P4HB: variants seen among roughly 807,000 people sequenced by gnomAD.
P4HB encodes the protein prolyl 4-hydroxylase subunit beta, also known as protein disulfide-isomerase.
P4HB carries 20 observed loss-of-function variants against 52.6 expected under a neutral mutation model. That is an observed-to-expected ratio of 0.38 (90% CI 0.27 to 0.55). The LOEUF is 0.55. P4HB is among the 20% of genes least tolerant of loss of function. The pLI is 0.74. For missense variants in P4HB, 601 were observed against 669.2 expected (o/e 0.90, Z 1.12); for synonymous variants, 296 against 277.9 (o/e 1.07, Z -0.65).
rs970078070 is a variant in P4HB, at chr17:81,846,234, A to T, written c.1056+195T>A. 4 of 716,524 alleles carry T rather than the reference A, an allele frequency of 5.6e-6. No homozygotes were observed. The highest frequency in any genetic ancestry group is 2.9e-5 in the Admixed American group (1 of 34,564). 44.4% of individuals were successfully genotyped at this position (716,524 alleles called of 1,614,324 possible). ...GGTTTCCCTGAGGAGCATCTGGGCC[A>T]GCCGTGTGGACAAGAGGGCTCCTAC... On this transcript the variant is annotated intron_variant, in intron 7 of 10. Coordinates refer to ENST00000331483, the MANE Select transcript of P4HB (RefSeq NM_000918.4). The surrounding 1 kb of genome is among the most constrained non-coding windows in gnomAD (Gnocchi z 5.7).
At chr17:81,858,962 CA>C in intron 2 of P4HB, 1 of 564,864 alleles carries the variant, frequency 1.8e-6, no homozygotes, top group Non-Finnish European at 3.2e-6. Flanking sequence ...AGGATGGCAC[CA>C]GACAAGACAG....
intron 9 of P4HB, 60 bp downstream of exon 9, chr17:81,845,501 G>A: frequency 6.8e-7 from 1 of 1,476,796 alleles, no homozygotes; most frequent in Non-Finnish European, 9.1e-7. Context: ...ACCCAGGCTG[G>A]CGTGGGGACC....
At chr17:81,844,509 T>C (rs906134264) in intron 10 of P4HB, among the ~76,000 whole-genome samples, 36 of 152,204 alleles carry the variant, frequency 2.4e-4, no homozygotes, top group African/African-American at 8.7e-4. Context: ...TTCCAACCCT[T>C]GGGCTCTGGC....
At chr17:81,852,184 A>G (rs2143341310) in intron 4 of P4HB, among the ~76,000 whole-genome samples, 1 of 152,308 alleles carries the variant, frequency 6.6e-6, no homozygotes, top group Non-Finnish European at 1.5e-5. Context: ...CCTTTCTCAA[A>G]CAACAATAAC....
intron 1 of P4HB, 196 bp from the exon 2 acceptor site, chr17:81,859,583 A>C: frequency 1.7e-6 from 1 of 589,432 alleles, no homozygotes; most frequent in Non-Finnish European, 3.0e-6. Flanking sequence ...GAGGCCGTGA[A>C]CGACAAACTA....
Position 81,855,487 on chromosome 17 carries a change from T to G in P4HB, c.452A>C (p.Glu151Ala). ...PDGAAAESLV[E>A]SSEVAVIGFF... ...GCCGATGACAGCCACCTCGCTGGAC[T>G]CCACCAAGGACTCTGCAGCTGCGCC... The change falls in exon 3 of 11, where the codon GAG becomes GCG. Residue 151 changes from glutamate (E) to alanine (A), a missense_variant. By Grantham distance (107) the Glu-to-Ala change is moderately radical. Coordinates refer to ENST00000331483, the MANE Select transcript of P4HB (RefSeq NM_000918.4). The surrounding 1 kb of genome is among the most constrained non-coding windows in gnomAD (Gnocchi z 4.3). The G allele has an allele frequency of 6.2e-7, 1 of 1,613,772 alleles. No individual in the cohort carries two copies. The highest frequency in any genetic ancestry group is 8.5e-7 in the Non-Finnish European group (1 of 1,179,892).
chr17:81,848,100 C>T (rs2038767328), intron 4 of P4HB, among the ~76,000 whole-genome samples: 2 of 152,284 alleles, frequency 1.3e-5, no homozygotes, highest in East Asian at 1.9e-4. Context: ...ATGGGTTTCA[C>T]CACGTTAGCC....
At chr17:81,856,589 C>T (rs541566829) in intron 2 of P4HB, among the ~76,000 whole-genome samples, 5 of 151,388 alleles carry the variant, frequency 3.3e-5, no homozygotes, top group South Asian at 4.2e-4. Flanking sequence ...CCTGCCTCAG[C>T]GGTCTCCCAA....
chr17:81,859,087 G>T, intron 2 of P4HB, 94 bp downstream of exon 2: 1 of 1,162,578 alleles, frequency 8.6e-7, no homozygotes, highest in Non-Finnish European at 1.3e-6. Flanking sequence ...CTGGAACCCG[G>T]CCTCCCCACC....
chr17:81,846,314 C>T lies in P4HB; in HGVS notation c.1056+115G>A, dbSNP rs1423862283. 13 of 989,688 alleles carry T rather than the reference C, an allele frequency of 1.3e-5. No individual in the cohort carries two copies. The highest frequency in any genetic ancestry group is 1.9e-5 in the Non-Finnish European group (12 of 643,918). The allele number at this position is 989,688 out of a possible 1,614,324, so 61.3% of individuals were successfully genotyped here. A position where few individuals can be genotyped will look rare whatever the true frequency, so the allele number is the denominator to read the frequency against. The stretch of plus-strand genomic sequence containing the variant: ...GTCTTCACACCATCTTGGGCTCCGT[C>T]CTCTTACTCTGAAGATCTTACTTTG... On this transcript the variant is annotated intron_variant, in intron 7 of 10. Coordinates refer to ENST00000331483, the MANE Select transcript of P4HB (RefSeq NM_000918.4). The surrounding 1 kb of genome is among the most constrained non-coding windows in gnomAD (Gnocchi z 5.7).
rs373333137 is a variant in P4HB, at chr17:81,845,899, A to T, written c.1149T>A (p.Asp383Glu). ...ACTCCACAAAGACGTTTTTTTTCTC[A>T]TCAAAAGCCACGTCTTCAAAGTTCT... Reference protein sequence around the residue: ...VGKNFEDVAFDEKKNVFVEFY... With the variant: ...VGKNFEDVAFEEKKNVFVEFY... The change falls in exon 8 of 11, where the codon GAT becomes GAA. Residue 383 changes from aspartate (D) to glutamate (E), a missense_variant. Asp to Glu is a conservative substitution (Grantham distance 45). Coordinates refer to ENST00000331483, the MANE Select transcript of P4HB (RefSeq NM_000918.4). 1.2e-6 allele frequency: 2 copies of T among 1,612,036 alleles called. No individual in the cohort carries two copies. The highest frequency in any genetic ancestry group is 1.7e-6 in the Non-Finnish European group (2 of 1,178,518).
At chr17:81,858,257 CAA>C (rs901002093) in intron 2 of P4HB, among the ~76,000 whole-genome samples, 3,724 of 38,682 alleles carry the variant, frequency 0.096, 320 homozygotes, top group African/African-American at 0.27. Context: ...GAGACTGTCT[CAA>C]AAAAAAAAAA....
chr17:81,858,309 G>A (rs1056458979), intron 2 of P4HB, among the ~76,000 whole-genome samples: 1 of 150,474 alleles, frequency 6.6e-6, no homozygotes, highest in Admixed American at 6.6e-5. Context: ...CCAAGTGAGA[G>A]GCAACCACAG....
intron 4 of P4HB, among the ~76,000 whole-genome samples, chr17:81,852,666 T>C (rs1271636248): frequency 6.6e-6 from 1 of 152,242 alleles, no homozygotes; most frequent in Admixed American, 6.5e-5. Context: ...CCAGCTCTAG[T>C]GGACTCCAGA....
rs906742126 is a variant in P4HB at position 81,846,471 on chromosome 17, C to T, written c.1014G>A (p.Arg338=). Residue 338 remains arginine (R), a synonymous_variant, in exon 7 of 11, where the codon AGG becomes AGA. Transcript: ENST00000331483. The surrounding 1 kb of genome is among the most constrained non-coding windows in gnomAD (Gnocchi z 5.7). ...GGAAGCGGTGGCAGAACTCTGTGAT[C>T]CTCTCTGCCGTCAGCTCCTCCGATT... The part of the protein sequence containing the change: ...KPESEELTAE[R]ITEFCHRFLE... The T allele has an allele frequency of 4.3e-6, 7 of 1,613,758 alleles. No individual in the cohort carries two copies. The South Asian group carries it at 6.6e-5, about 15-fold the overall frequency.
rs1567840978 is a variant in P4HB, at chr17:81,855,621, CAG to C, written c.353-37_353-36del. ...AACAAATGTAGGTTCTACTCTCAAA[CAG>C]GGAGTGCCGCCTGCCCTGCCGCGCC... is the stretch of plus-strand genomic sequence containing the variant. On this transcript the variant is annotated intron_variant, in intron 2 of 10. Transcript: ENST00000331483. The surrounding 1 kb of genome is among the most constrained non-coding windows in gnomAD (Gnocchi z 4.3). The C allele has an allele frequency of 1.3e-6, 2 of 1,596,036 alleles. No homozygotes were observed. The highest frequency in any genetic ancestry group is 1.7e-6 in the Non-Finnish European group (2 of 1,169,126).
chr17:81,844,095 G>A lies in P4HB; in HGVS notation c.1447-3C>T. 2 of 1,609,044 alleles carry A rather than the reference G, an allele frequency of 1.2e-6. No individual in the cohort carries two copies. Among genetic ancestry groups the A allele is most frequent in the Non-Finnish European group, 8.5e-7 (1 of 1,175,510 alleles). ...GCTTCTTCCAGGTCCTCGAGATCCT[G>A]GGATACAGGAAAAGGGGCGGGGCGG... On this transcript the variant is annotated splice_region_variant and splice_polypyrimidine_tract_variant and intron_variant, in intron 10 of 10. Coordinates refer to ENST00000331483, the MANE Select transcript of P4HB (RefSeq NM_000918.4).
intron 10 of P4HB, among the ~76,000 whole-genome samples, chr17:81,844,861 G>A (rs1359597298): frequency 6.6e-6 from 1 of 152,250 alleles, no homozygotes; most frequent in Non-Finnish European, 1.5e-5. Flanking sequence ...GTGAGGAACC[G>A]GTGCCATGTG....
intron 4 of P4HB, among the ~76,000 whole-genome samples, chr17:81,849,837 T>A (rs906516418): frequency 6.6e-6 from 1 of 152,126 alleles, no homozygotes; most frequent in Non-Finnish European, 1.5e-5. Flanking sequence ...TTTATTTTTT[T>A]ATTTTTTGAG....
Sources: allele counts gnomAD v4.1 joint callset (sites outside exome capture counted in the v4.1 genomes callset), GRCh38; gene constraint gnomAD v4.1.1; non-coding constraint Gnocchi (gnomAD v3.1); transcripts MANE v1.5; gene names NCBI Gene and HGNC (gene_info 2026-07-23, HGNC 2026-07-21).